The following SHISA6 variants were observed in gnomAD, a reference collection of about 807,000 sequenced individuals.
SHISA6 encodes the protein protein shisa-6.
A neutral mutation model predicts 47.9 loss-of-function variants in SHISA6; 22 were observed. The ratio of observed to expected loss-of-function variants is 0.46; its 90% confidence interval spans 0.33 to 0.66. SHISA6 has a LOEUF of 0.66. Among genes scored for constraint, SHISA6 ranks in the 30% least tolerant of loss-of-function variants. SHISA6 has a pLI of 0.02. For synonymous variants in SHISA6, 388 were observed against 337.8 expected (o/e 1.15, Z -1.63); for missense variants, 680 against 764.6 (o/e 0.89, Z 1.30).
At chr17:11,271,772 TA>T (rs1820678870) in intron 2 of SHISA6, among the ~76,000 whole-genome samples, 1 of 152,066 alleles carries the variant, frequency 6.6e-6, no homozygotes, top group Non-Finnish European at 1.5e-5. Flanking sequence ...ATTTTCCATT[TA>T]ACAAGACCCC....
chr17:11,371,740 CA>C (rs930230505), intron 2 of SHISA6, among the ~76,000 whole-genome samples: 49 of 139,394 alleles, frequency 3.5e-4, no homozygotes, highest in South Asian at 1.9e-3. Context: ...AGAAAAACAA[CA>C]AAAAAAAATG....
intron 1 of SHISA6, among the ~76,000 whole-genome samples, chr17:11,243,919 A>G (rs1479712336): frequency 6.6e-6 from 1 of 151,952 alleles, no homozygotes; most frequent in African/African-American, 2.4e-5. Context: ...TGACCCTTCC[A>G]CCTCACACAG....
intron 1 of SHISA6, among the ~76,000 whole-genome samples, chr17:11,253,369 A>G (rs1209200673): frequency 1.3e-5 from 2 of 152,116 alleles, no homozygotes; most frequent in East Asian, 1.9e-4. Context: ...TAATAGCTCA[A>G]ACAAGACTGC....
At chr17:11,246,165 C>T (rs1037253530) in intron 1 of SHISA6, among the ~76,000 whole-genome samples, 7 of 152,010 alleles carry the variant, frequency 4.6e-5, no homozygotes, top group Non-Finnish European at 1.0e-4. Flanking sequence ...AAGTTTTAGC[C>T]TTGCCTTTAT....
chr17:11,512,524 G>T (rs775527792), intron 3 of SHISA6, among the ~76,000 whole-genome samples: 19 of 151,954 alleles, frequency 1.3e-4, no homozygotes, highest in Non-Finnish European at 2.1e-4. Context: ...TTTTGAAATT[G>T]TATTTCAAAT....
intron 2 of SHISA6, among the ~76,000 whole-genome samples, chr17:11,343,391 G>T (rs1400568253): frequency 6.6e-6 from 1 of 152,150 alleles, no homozygotes; most frequent in African/African-American, 2.4e-5. Context: ...TGAAACAAAG[G>T]CTTGTGTAGG....
chr17:11,257,626 A>G (rs930240973), intron 1 of SHISA6, among the ~76,000 whole-genome samples: 2 of 150,838 alleles, frequency 1.3e-5, no homozygotes, highest in Non-Finnish European at 2.9e-5. Context: ...TCACCACTGC[A>G]CTGCAGCCTG....
chr17:11,348,967 C>T (rs1227361655), intron 2 of SHISA6, among the ~76,000 whole-genome samples: 8 of 152,196 alleles, frequency 5.3e-5, no homozygotes, highest in Admixed American at 5.2e-4. Context: ...TGTGCTTTCA[C>T]TAGTGGGGGA....
intron 3 of SHISA6, among the ~76,000 whole-genome samples, chr17:11,528,465 A>C (rs1263142996): frequency 6.6e-6 from 1 of 152,244 alleles, no homozygotes; most frequent in East Asian, 1.9e-4. Context: ...GTATAAAAAT[A>C]CAGATGGACA....
chr17:11,435,984 G>C (rs1461702624), intron 3 of SHISA6, among the ~76,000 whole-genome samples: 3 of 152,162 alleles, frequency 2.0e-5, no homozygotes, highest in African/African-American at 7.2e-5. Flanking sequence ...AACTGTGTTA[G>C]CATTGATTGG....
chr17:11,415,791 T>A (rs181963157), intron 3 of SHISA6, among the ~76,000 whole-genome samples: 331 of 152,338 alleles, frequency 2.2e-3, no homozygotes, highest in African/African-American at 7.6e-3. Flanking sequence ...CAGGTTAGTG[T>A]TTTCCAAACT....
intron 3 of SHISA6, among the ~76,000 whole-genome samples, chr17:11,418,659 C>T (rs573851434): frequency 6.6e-6 from 1 of 152,294 alleles, no homozygotes; most frequent in East Asian, 1.9e-4. Flanking sequence ...TGCCCTATCC[C>T]TACCTTCCCT....
chr17:11,283,128 C>A (rs143892961), intron 2 of SHISA6, among the ~76,000 whole-genome samples: 1 of 152,324 alleles, frequency 6.6e-6, no homozygotes, highest in Non-Finnish European at 1.5e-5. Flanking sequence ...GGATTCAACT[C>A]TATTAAGTGT....
At chr17:11,288,732 C>T (rs942400688) in intron 2 of SHISA6, 3 of 152,178 alleles carry the variant, frequency 2.0e-5, no homozygotes, top group Non-Finnish European at 4.4e-5. Flanking sequence ...TTTCCATTTT[C>T]TTCCACTGAT....
chr17:11,533,182 A>G (rs1476983530), intron 3 of SHISA6, among the ~76,000 whole-genome samples: 1 of 152,180 alleles, frequency 6.6e-6, no homozygotes, highest in Non-Finnish European at 1.5e-5. Context: ...CTCATTAGCC[A>G]CAAACACCAT....
chr17:11,490,833 A>G (rs1916457067), intron 3 of SHISA6, among the ~76,000 whole-genome samples: 1 of 152,212 alleles, frequency 6.6e-6, no homozygotes, highest in Admixed American at 6.5e-5. Context: ...GGAGATGTTG[A>G]AGTTTAATGA....
chr17:11,427,055 CA>C (rs1308062709), intron 3 of SHISA6, among the ~76,000 whole-genome samples: 1 of 152,128 alleles, frequency 6.6e-6, no homozygotes, highest in East Asian at 1.9e-4. Flanking sequence ...GGGGGTAATG[CA>C]AAACTTTTCT....
intron 3 of SHISA6, among the ~76,000 whole-genome samples, chr17:11,546,439 A>G (rs2071884563): frequency 6.6e-6 from 1 of 152,224 alleles, no homozygotes; most frequent in Admixed American, 6.5e-5. Flanking sequence ...ACAACCCATG[A>G]AGTACCACAT....
At chr17:11,413,246 T>C (rs1914185889) in intron 3 of SHISA6, among the ~76,000 whole-genome samples, 1 of 152,218 alleles carries the variant, frequency 6.6e-6, no homozygotes, top group Admixed American at 6.5e-5. Context: ...CTTTCGATGA[T>C]ACGTCATTTC....
Sources: gnomAD v4.1 joint callset for allele counts (sites outside exome capture counted in the v4.1 genomes callset) on GRCh38, gnomAD v4.1.1 for gene constraint, MANE v1.5 for transcripts, NCBI Gene and HGNC (gene_info 2026-07-23, HGNC 2026-07-21) for gene names.